Variants in DIS3 observed in about 807,000 individuals in gnomAD.
The protein encoded by DIS3 is DIS3 exosome endoribonuclease and 3'-5' exoribonuclease.
In DIS3, 103 loss-of-function variants were observed where a neutral mutation model predicts 113.0. That is an observed-to-expected ratio of 0.91 (90% confidence interval 0.78 to 1.07). The LOEUF is 1.07. DIS3 is among the 50% of genes least tolerant of loss of function. The pLI, the probability that DIS3 is intolerant of heterozygous loss-of-function variation, is 0.00. For missense variants in DIS3, 1,121 were observed against 1,167.1 expected, an observed-to-expected ratio of 0.96 and a Z score of 0.58; for synonymous variants, 402 against 394.3, an observed-to-expected ratio of 1.02 and a Z score of -0.23.
rs868594313 is a variant in DIS3 at position 72,774,317 on chromosome 13, G to A, written c.988-258C>T. ...CAAATAAATAAATATAACTGAATAC[G>A]TATGTTAGAACTCAACACTTTTCAG... On this transcript the variant is annotated intron_variant, in intron 6 of 20. Coordinates refer to ENST00000377767, the MANE Select transcript of DIS3 (RefSeq NM_014953.5). 3.9e-5 allele frequency among the ~76,000 whole-genome samples: 6 copies of A among 152,152 alleles called. No individual in the cohort carries two copies. In the Middle Eastern group the frequency reaches 0.01, roughly 259 times the overall value.
In DIS3 at chr13:72,775,225, CT is replaced by C. The variant is rs774316130; in HGVS notation, c.972del (p.Glu325ArgfsTer10). 9.9e-6 allele frequency: 16 copies of C among 1,612,896 alleles called. No homozygotes were observed. Among genetic ancestry groups the C allele is most frequent in the Non-Finnish European group, 1.4e-5 (16 of 1,179,382 alleles). Reference protein sequence around the residue: ...GQNEEDVEKEEETERMLKTAV... With the variant: ...GQNEEDVEKEXETERMLKTAV... ...TAGATTCATACCATTCGTTCTGTCT[CT>C]TCTTCTTTCTCCACATCTTCTTCAT... On this transcript the variant is annotated frameshift_variant, in exon 6 of 21. Coordinates refer to ENST00000377767, the MANE Select transcript of DIS3 (RefSeq NM_014953.5). LOFTEE classifies it high-confidence loss of function.
intron 3 of DIS3, among the ~76,000 whole-genome samples, chr13:72,777,769 T>C (rs2034053417): frequency 6.6e-6 from 1 of 151,740 alleles, no homozygotes; most frequent in Admixed American, 6.6e-5. Context: ...TTTTTTCCTG[T>C]AGAGCTATAG....
rs2138124281 is a variant in DIS3, at chr13:72,755,415, A to T, written c.*4380T>A. 2 of 528,016 alleles carry T rather than the reference A, an allele frequency of 3.8e-6. No individual in the cohort carries two copies. Among genetic ancestry groups the T allele is most frequent in the Non-Finnish European group, 6.7e-6 (2 of 299,146 alleles). The allele number at this position is 528,016 out of a possible 1,614,324, so 32.7% of individuals were successfully genotyped here. On this transcript the variant is annotated 3_prime_UTR_variant, in exon 21 of 21. Transcript: ENST00000377767. ...TGGAACTTCAAGTTGCTGAATTATAAGTTTATTTTTTATCAATAAATATTT... is the reference window on the plus strand; with the variant it reads ...TGGAACTTCAAGTTGCTGAATTATATGTTTATTTTTTATCAATAAATATTT...
At chr13:72,764,753 T>C (rs556040163) in intron 15 of DIS3, among the ~76,000 whole-genome samples, 14 of 152,272 alleles carry the variant, frequency 9.2e-5, no homozygotes, top group Admixed American at 7.2e-4. Context: ...CTAAAGTATA[T>C]TCATTTTAAA....
Position 72,781,642 on chromosome 13 carries a change from T to C in DIS3, c.191A>G (p.His64Arg), listed in dbSNP as rs1275254244. The C allele has an allele frequency of 4.5e-6, 7 of 1,542,244 alleles. No homozygotes were observed. The highest frequency in any genetic ancestry group is 2.7e-5 in the African/African-American group (2 of 72,928). Residue 64 changes from histidine (H) to arginine (R), a missense_variant, in exon 1 of 21, where the codon CAC becomes CGC. Coordinates refer to ENST00000377767, the MANE Select transcript of DIS3 (RefSeq NM_014953.5). ...CACATTAGTGTCGGGCAGCAAGTAGTGCGGTTGCGGGCAGACGCTGCTCGC... is the reference window on the plus strand; with the variant it reads ...CACATTAGTGTCGGGCAGCAAGTAGCGCGGTTGCGGGCAGACGCTGCTCGC... ...DPASSVCPQP[H>R]YLLPDTNVLL...
At chr13:72,767,373 T>TA (rs1051049261) in intron 14 of DIS3, among the ~76,000 whole-genome samples, 158 of 149,512 alleles carry the variant, frequency 1.1e-3, no homozygotes, top group African/African-American at 3.4e-3. Context: ...TTACATTGCT[T>TA]AAAAAAAAAA....
In DIS3 at chr13:72,781,507, G is replaced by C. The variant is rs989459296; in HGVS notation, c.228+98C>G. 3 of 1,432,542 alleles carry C rather than the reference G, an allele frequency of 2.1e-6. No homozygotes were observed. In the African/African-American group the frequency reaches 4.3e-5, roughly 21 times the overall value. The allele number at this position is 1,432,542 out of a possible 1,614,324, so 88.7% of individuals were successfully genotyped here. On this transcript the variant is annotated intron_variant, in intron 1 of 20. Transcript: ENST00000377767. ...GGGGTTTCCCTTTCGCTAGGTATGT[G>C]ACACTGCCAAAGACCCGCCTCCCTG...
chr13:72,759,743 G>A lies in DIS3; in HGVS notation c.*52C>T. The A allele has an allele frequency of 1.4e-6, 2 of 1,458,060 alleles. No individual in the cohort carries two copies. The highest frequency in any genetic ancestry group is 1.9e-6 in the Non-Finnish European group (2 of 1,051,300). The allele number at this position is 1,458,060 out of a possible 1,614,324, so 90.3% of individuals were successfully genotyped here. A position where few individuals can be genotyped will look rare whatever the true frequency, so the allele number is the denominator to read the frequency against. On this transcript the variant is annotated 3_prime_UTR_variant, in exon 21 of 21. Coordinates refer to ENST00000377767, the MANE Select transcript of DIS3 (RefSeq NM_014953.5). ...CTTAGGCTTAGAAGTGTTCTTTCAAGTTTTTTCTTTTAAAAAAGAAACCAG... is the reference window on the plus strand; with the variant it reads ...CTTAGGCTTAGAAGTGTTCTTTCAAATTTTTTCTTTTAAAAAAGAAACCAG...
Position 72,779,123 on chromosome 13 carries a change from CTTT to C in DIS3, c.387-746_387-744del, listed in dbSNP as rs563966682. The stretch of plus-strand genomic sequence containing the variant: ...TCATCGTTGAATGCACTTGCTAATG[CTTT>C]TTTTTTTTTTTTGAAACAGAGTCTT... On this transcript the variant is annotated intron_variant, in intron 2 of 20. Transcript: ENST00000377767. Among the ~76,000 whole-genome samples the C allele has an allele frequency of 4.8e-4, 68 of 140,228 alleles. No homozygotes were observed. The South Asian group carries it at 5.8e-3, about 12-fold the overall frequency. 92.0% of individuals were successfully genotyped at this position (140,228 alleles called of 152,430 possible). A position where few individuals can be genotyped will look rare whatever the true frequency, so the allele number is the denominator to read the frequency against.
chr13:72,777,728 T>C (rs889111984), intron 3 of DIS3, among the ~76,000 whole-genome samples: 1 of 151,174 alleles, frequency 6.6e-6, no homozygotes, highest in Non-Finnish European at 1.5e-5. Context: ...GCTGGGACTA[T>C]AGTTACATAC....
rs2034066374 is a variant in DIS3 at position 72,778,185 on chromosome 13, A to G, written c.580+2T>C. The G allele has an allele frequency of 6.4e-7, 1 of 1,573,914 alleles. No homozygotes were observed. The highest frequency in any genetic ancestry group is 8.7e-7 in the Non-Finnish European group (1 of 1,149,776). Reference sequence around the variant, plus strand: ...ACTAAGTACTTCTACATTTAGACTTACAAGTGAAAGCTGGTATTCCTTCTT... The same window carrying G: ...ACTAAGTACTTCTACATTTAGACTTGCAAGTGAAAGCTGGTATTCCTTCTT... On this transcript the variant is annotated splice_donor_variant, in intron 3 of 20. Coordinates refer to ENST00000377767, the MANE Select transcript of DIS3 (RefSeq NM_014953.5). LOFTEE classifies it high-confidence loss of function.
At position 72,761,908 on chromosome 13, in the gene DIS3, A is replaced by C; in HGVS notation, c.2342+15T>G. 1.2e-6 allele frequency: 2 copies of C among 1,613,540 alleles called. No homozygotes were observed. The highest frequency in any genetic ancestry group is 1.7e-6 in the Non-Finnish European group (2 of 1,179,830). On this transcript the variant is annotated intron_variant, in intron 17 of 20. Coordinates refer to ENST00000377767, the MANE Select transcript of DIS3 (RefSeq NM_014953.5). ...ACCATTTTCTATCTCCTTTAATTTCATAAGGAAAAAATACCTTCTAATGGG... is the reference window on the plus strand; with the variant it reads ...ACCATTTTCTATCTCCTTTAATTTCCTAAGGAAAAAATACCTTCTAATGGG...
At position 72,752,187 on chromosome 13, in the gene DIS3, T is replaced by C. The variant is rs2033294403; in HGVS notation, c.*7608A>G. ...AACCAAGTTTGAATTAGAGTTCTTT[T>C]ATTTCCAGGCTGTGGGATCTTAAGG... is the stretch of plus-strand genomic sequence containing the variant. On this transcript the variant is annotated 3_prime_UTR_variant, in exon 21 of 21. Transcript: ENST00000377767. 2 of 152,232 alleles carry C rather than the reference T, an allele frequency of 1.3e-5. No homozygotes were observed. Among genetic ancestry groups the C allele is most frequent in the Admixed American group, 1.3e-4 (2 of 15,270 alleles). 9.4% of individuals were successfully genotyped at this position (152,232 alleles called of 1,614,324 possible).
At position 72,752,780 on chromosome 13, in the gene DIS3, A is replaced by G. The variant is rs2033312301; in HGVS notation, c.*7015T>C. On this transcript the variant is annotated 3_prime_UTR_variant, in exon 21 of 21. Transcript: ENST00000377767. ...TTTTTTCAGGATTATTAAGTGATAA[A>G]GAGTGCCGTTTCTAGGCTAGTCTGT... 1 of 31,214 alleles carries G rather than the reference A, an allele frequency of 3.2e-5. No individual in the cohort carries two copies. The highest frequency in any genetic ancestry group is 5.8e-5 in the Non-Finnish European group (1 of 17,236). 1.9% of individuals were successfully genotyped at this position (31,214 alleles called of 1,614,324 possible).
chr13:72,764,830 G>C (rs1247576661), intron 15 of DIS3, among the ~76,000 whole-genome samples: 1 of 152,088 alleles, frequency 6.6e-6, no homozygotes, highest in African/African-American at 2.4e-5. Flanking sequence ...TTCTTGGTAA[G>C]AAGAAATGGC....
In DIS3 at chr13:72,760,629, T is replaced by C; in HGVS notation, c.2693A>G (p.Asp898Gly). 1.9e-6 allele frequency: 3 copies of C among 1,612,806 alleles called. No individual in the cohort carries two copies. Among genetic ancestry groups the C allele is most frequent in the Non-Finnish European group, 2.5e-6 (3 of 1,179,236 alleles). ...TTTATCAAATACATGGAACACTGTA[T>C]CTTCTATTTTAAGTGAGGGTATCTA... ...DDEIPSLKIE[D>G]TVFHVFDKVK... is the part of the protein sequence containing the mutation. The change falls in exon 20 of 21, where the codon GAT becomes GGT. Residue 898 changes from aspartate to glycine, a missense_variant. Asp to Gly is a moderately conservative substitution (Grantham distance 94, BLOSUM62 -1). Around this residue, in one of 3 missense-constraint regions of DIS3, gnomAD observed 861 missense variants for 915.5 expected, o/e 0.94. Coordinates refer to ENST00000377767, the MANE Select transcript of DIS3 (RefSeq NM_014953.5).
rs981493282 is a variant in DIS3 at position 72,781,895 on chromosome 13, G to T, written c.-63C>A. 2.8e-6 allele frequency: 4 copies of T among 1,404,086 alleles called. No individual in the cohort carries two copies. The highest frequency in any genetic ancestry group is 3.8e-6 in the Non-Finnish European group (4 of 1,051,150). 87.0% of individuals were successfully genotyped at this position (1,404,086 alleles called of 1,614,324 possible). On this transcript the variant is annotated 5_prime_UTR_variant, in exon 1 of 21. Transcript: ENST00000377767. Reference sequence around the variant, plus strand: ...TCTTCCAGCAAAAGGCGTCAATCTAGAATACGCCTAACCCCGGAGGTTCTT... The same window carrying T: ...TCTTCCAGCAAAAGGCGTCAATCTATAATACGCCTAACCCCGGAGGTTCTT...
At chr13:72,780,627 G>A (rs1478841347) in intron 2 of DIS3, among the ~76,000 whole-genome samples, 1 of 152,088 alleles carries the variant, frequency 6.6e-6, no homozygotes, top group Non-Finnish European at 1.5e-5. Flanking sequence ...TGTAGTCTAG[G>A]AGTCAGCAGA....
Position 72,766,056 on chromosome 13 carries a change from G to C in DIS3, c.1886C>G (p.Ala629Gly), listed in dbSNP as rs1481488748. ...ILKKRRIEKG[A>G]LTLSSPEVRF... ...AACTTCAGGAGAGGATAGAGTCAAA[G>C]CCCTACATAAAAATTAAAGAGAAAA... is the stretch of plus-strand genomic sequence containing the variant. The change falls in exon 15 of 21, where the codon GCT becomes GGT. Residue 629 changes from alanine to glycine, a missense_variant and splice_region_variant. Around this residue, in one of 3 missense-constraint regions of DIS3, gnomAD observed 861 missense variants for 915.5 expected, o/e 0.94. Transcript: ENST00000377767. The C allele has an allele frequency of 6.2e-7, 1 of 1,601,040 alleles. No homozygotes were observed. The highest frequency in any genetic ancestry group is 8.5e-7 in the Non-Finnish European group (1 of 1,173,798).
Sources: gnomAD v4.1 joint callset for allele counts (sites outside exome capture counted in the v4.1 genomes callset) on GRCh38, gnomAD v4.1.1 for gene constraint, gnomAD v4.1.1 regional missense constraint, MANE v1.5 for transcripts, NCBI Gene and HGNC (gene_info 2026-07-23, HGNC 2026-07-21) for gene names.